The following KCNQ5 variants were observed in gnomAD, a reference collection of about 807,000 sequenced individuals.
KCNQ5 encodes potassium voltage-gated channel subfamily KQT member 5.
KCNQ5 carries 30 observed loss-of-function variants against 98.2 expected under a neutral mutation model. The observed-to-expected ratio is 0.31, with a 90% CI of 0.23 to 0.41. The LOEUF (loss-of-function observed/expected upper bound fraction) is 0.41, where lower values mean the gene tolerates loss of function less well. Ranked by LOEUF, KCNQ5 falls within the 10% of genes least tolerant of loss-of-function variation. The pLI is 1.00. For synonymous variants in KCNQ5, 458 were observed against 449.4 expected, an observed-to-expected ratio of 1.02 and a Z score of -0.24; for missense variants, 835 against 1,182.5, an observed-to-expected ratio of 0.71 and a Z score of 4.31.
intron 5 of KCNQ5, among the ~76,000 whole-genome samples, chr6:73,092,544 TA>T (rs1774298058): frequency 6.6e-6 from 1 of 151,986 alleles, no homozygotes; most frequent in African/African-American, 2.4e-5. Flanking sequence ...TTACTTTTAT[TA>T]CATTGTTATA....
chr6:73,172,762 T>C (rs1267696741), intron 11 of KCNQ5, among the ~76,000 whole-genome samples: 2 of 152,220 alleles, frequency 1.3e-5, no homozygotes, highest in African/African-American at 4.8e-5. Flanking sequence ...CTTGTTATTT[T>C]TTAATTGTTA....
At chr6:72,996,172 G>C (rs926259422) in intron 1 of KCNQ5, among the ~76,000 whole-genome samples, 1 of 152,180 alleles carries the variant, frequency 6.6e-6, no homozygotes, top group Admixed American at 6.5e-5. Context: ...TGATAGAACA[G>C]TGCAAAGAAA....
At chr6:72,829,811 C>T (rs73543839) in intron 1 of KCNQ5, among the ~76,000 whole-genome samples, 40,161 of 151,940 alleles carry the variant, frequency 0.26, 6,218 homozygotes, top group African/African-American at 0.43. Context: ...TAAAAAAGAA[C>T]GTTTTTCTAA....
chr6:72,769,824 A>T (rs1021341089), intron 1 of KCNQ5, among the ~76,000 whole-genome samples: 1 of 152,062 alleles, frequency 6.6e-6, no homozygotes, highest in Non-Finnish European at 1.5e-5. Flanking sequence ...CAAGATGGGG[A>T]AGTAGAATAA....
rs865964642 is a variant in KCNQ5 at position 72,653,070 on chromosome 6, T to A, written c.398+30483T>A. On this transcript the variant is annotated intron_variant, in intron 1 of 13. Transcript: ENST00000370398. ...TATGGTAGCAATTGCTTACTATAGT[T>A]TGTTTATTCCATAAGAGTGGCTTTC... is the stretch of plus-strand genomic sequence containing the variant. Among the ~76,000 whole-genome samples, 12 of 152,180 alleles carry A rather than the reference T, an allele frequency of 7.9e-5. No homozygotes were observed. In the South Asian group the frequency reaches 1.9e-3, roughly 24 times the overall value.
At chr6:72,993,984 T>C (rs1769148939) in intron 1 of KCNQ5, among the ~76,000 whole-genome samples, 3 of 83,834 alleles carry the variant, frequency 3.6e-5, no homozygotes, top group Non-Finnish European at 4.4e-5. Context: ...GGGTCAGGGG[T>C]CAGGGACCCA....
rs752698335 is a variant in KCNQ5, at chr6:73,195,084, G to A, written c.2469G>A (p.Pro823=). 108 of 1,614,098 alleles carry A rather than the reference G, an allele frequency of 6.7e-5. No homozygotes were observed. The highest frequency in any genetic ancestry group is 6.0e-4 in the African/African-American group (45 of 74,938). ...TGTTGTCTGTCTGTCCCATGGTGCC[G>A]AAGGACTTGGGCAAATCTTTGTCTG... is the stretch of plus-strand genomic sequence containing the variant. ...ETLLSVCPMV[P]KDLGKSLSVQ... Residue 823 remains proline, a synonymous_variant, in exon 14 of 14, where the codon CCG becomes CCA. Coordinates refer to ENST00000370398, the MANE Select transcript of KCNQ5 (RefSeq NM_019842.4).
intron 1 of KCNQ5, among the ~76,000 whole-genome samples, chr6:72,660,467 A>G (rs1766453050): frequency 6.6e-6 from 1 of 150,490 alleles, no homozygotes; most frequent in Non-Finnish European, 1.5e-5. Context: ...GAAAAGGCCA[A>G]CAATAACATG....
intron 10 of KCNQ5, among the ~76,000 whole-genome samples, chr6:73,154,838 G>GT (rs1005730456): frequency 2.0e-5 from 3 of 152,016 alleles, no homozygotes; most frequent in African/African-American, 4.8e-5. Flanking sequence ...GAAATTTTGG[G>GT]TTTTTTTCAC....
chr6:72,625,762 C>G (rs962714265), intron 1 of KCNQ5, among the ~76,000 whole-genome samples: 2 of 152,190 alleles, frequency 1.3e-5, no homozygotes, highest in African/African-American at 4.8e-5. Context: ...CATACTTACT[C>G]CTTCTGGTCA....
At chr6:72,876,730 G>A (rs1201846281) in intron 1 of KCNQ5, among the ~76,000 whole-genome samples, 1 of 152,106 alleles carries the variant, frequency 6.6e-6, no homozygotes, top group Non-Finnish European at 1.5e-5. Context: ...TCTCCATCAT[G>A]TGTCATACTA....
At chr6:72,678,022 A>G (rs1767504207) in intron 1 of KCNQ5, among the ~76,000 whole-genome samples, 1 of 152,196 alleles carries the variant, frequency 6.6e-6, no homozygotes, top group Non-Finnish European at 1.5e-5. Flanking sequence ...AAGAAATTTT[A>G]TTAAATTGTG....
At chr6:73,091,051 A>G (rs1480991812) in intron 5 of KCNQ5, among the ~76,000 whole-genome samples, 1 of 152,246 alleles carries the variant, frequency 6.6e-6, no homozygotes, top group Non-Finnish European at 1.5e-5. Context: ...TTTTCACAGT[A>G]GTAAAGTCTT....
At chr6:72,848,282 CATCT>C (rs1446138706) in intron 1 of KCNQ5, among the ~76,000 whole-genome samples, 1 of 151,808 alleles carries the variant, frequency 6.6e-6, no homozygotes, top group Non-Finnish European at 1.5e-5. Context: ...TGGTTTGCTG[CATCT>C]ATCAACCCAT....
intron 1 of KCNQ5, among the ~76,000 whole-genome samples, chr6:72,639,396 G>A (rs1374059551): frequency 1.3e-5 from 2 of 152,198 alleles, no homozygotes; most frequent in African/African-American, 4.8e-5. Flanking sequence ...GACAGCATGT[G>A]CAGTGCCATG....
chr6:72,738,835 C>T (rs1158075867), intron 1 of KCNQ5, among the ~76,000 whole-genome samples: 2 of 152,112 alleles, frequency 1.3e-5, no homozygotes, highest in African/African-American at 4.8e-5. Flanking sequence ...AACTATATGA[C>T]ATTCTGGAAA....
intron 1 of KCNQ5, among the ~76,000 whole-genome samples, chr6:72,893,319 T>C (rs1779125918): frequency 6.6e-6 from 1 of 152,172 alleles, no homozygotes; most frequent in Non-Finnish European, 1.5e-5. Flanking sequence ...GATATTTTTT[T>C]CTTTGTAAAA....
chr6:73,138,092 C>G (rs771037559), intron 10 of KCNQ5, among the ~76,000 whole-genome samples: 16 of 152,214 alleles, frequency 1.1e-4, no homozygotes, highest in Non-Finnish European at 1.9e-4. Flanking sequence ...AATGACCGTT[C>G]TCTGTTTTGA....
At chr6:73,016,329 G>A (rs916395564) in intron 2 of KCNQ5, among the ~76,000 whole-genome samples, 2 of 151,974 alleles carry the variant, frequency 1.3e-5, no homozygotes. Flanking sequence ...GGAAGGGCAA[G>A]AAGATGAGCA....
Sources: allele counts gnomAD v4.1 joint callset (sites outside exome capture counted in the v4.1 genomes callset), GRCh38; gene constraint gnomAD v4.1.1; transcripts MANE v1.5; gene names NCBI Gene and HGNC (gene_info 2026-07-23, HGNC 2026-07-21).